The following MEF2A variants were observed in gnomAD, a reference collection of about 807,000 sequenced individuals.
MEF2A encodes the protein myocyte-specific enhancer factor 2A.
A neutral mutation model predicts 55.8 loss-of-function variants in MEF2A; 28 were observed. That is an observed-to-expected ratio of 0.50 (90% confidence interval 0.37 to 0.69). The LOEUF is 0.69. Ranked by LOEUF, MEF2A falls within the 30% of genes least tolerant of loss-of-function variation. The pLI is 0.00. For synonymous variants in MEF2A, 239 were observed against 227.1 expected, an observed-to-expected ratio of 1.05 and a Z score of -0.47; for missense variants, 528 against 626.2, an observed-to-expected ratio of 0.84 and a Z score of 1.67.
At chr15:99,566,526 C>G (rs12902009) in intron 1 of MEF2A, 113,963 of 148,108 alleles carry the variant, frequency 0.77, 44,426 homozygotes, top group Middle Eastern at 0.91. Flanking sequence ...GGCGCGCACC[C>G]CTTGGGGCCG....
At chr15:99,668,123 T>A (rs1365238695) in intron 4 of MEF2A, among the ~76,000 whole-genome samples, 1 of 152,156 alleles carries the variant, frequency 6.6e-6, no homozygotes, top group Non-Finnish European at 1.5e-5. Context: ...AGAAAAATGA[T>A]TGTTTCTAAC....
rs773502316 is a variant in MEF2A, at chr15:99,602,653, GGTGTGTGTGTGTGTGTGTGTGT to G, written c.-143+4167_-143+4188del. On this transcript the variant is annotated intron_variant, in intron 2 of 11. Coordinates refer to ENST00000557942, the MANE Select transcript of MEF2A (RefSeq NM_001319206.4). ...CCTGGTGGTTGCCTGACATTCCTGG[GGTGTGTGTGTGTGTGTGTGTGT>G]GTGTGTGTGTGTGTGTGTGTGTGTA... is the stretch of plus-strand genomic sequence containing the variant. Among the ~76,000 whole-genome samples the G allele has an allele frequency of 1.8e-4, 8 of 44,866 alleles. 1 individual carries two copies. Among genetic ancestry groups the G allele is most frequent in the East Asian group, 1.7e-3 (2 of 1,146 alleles). The allele number at this position is 44,866 out of a possible 152,430, so 29.4% of individuals were successfully genotyped here. A position where few individuals can be genotyped will look rare whatever the true frequency, so the allele number is the denominator to read the frequency against.
At chr15:99,710,180 G>T (rs919694833) in intron 10 of MEF2A, among the ~76,000 whole-genome samples, 1 of 152,202 alleles carries the variant, frequency 6.6e-6, no homozygotes, top group African/African-American at 2.4e-5. Flanking sequence ...AGATTTTGCG[G>T]ATTTTAGACC....
chr15:99,627,471 T>G (rs1158378314), intron 2 of MEF2A, among the ~76,000 whole-genome samples: 1 of 149,164 alleles, frequency 6.7e-6, no homozygotes, highest in Admixed American at 6.7e-5. Context: ...AATTGTAGAC[T>G]TGACTTAGTT....
intron 5 of MEF2A, 70 bp from the exon 6 acceptor site, chr15:99,674,323 A>G: frequency 7.1e-7 from 1 of 1,412,422 alleles, no homozygotes; most frequent in Non-Finnish European, 9.6e-7. Context: ...TTGCCAAATT[A>G]AAGTTCAAAA....
rs1054290497 is a variant in MEF2A at position 99,715,905 on chromosome 15, C to A, written c.*3134C>A. ...CCAATTATGTCCATTTTGTTATAGACTAAATCAGGGGTTTGTTCTACAAGA... is the reference window on the plus strand; with the variant it reads ...CCAATTATGTCCATTTTGTTATAGAATAAATCAGGGGTTTGTTCTACAAGA... On this transcript the variant is annotated 3_prime_UTR_variant, in exon 12 of 12. Coordinates refer to ENST00000557942, the MANE Select transcript of MEF2A (RefSeq NM_001319206.4). The A allele has an allele frequency of 2.0e-5, 3 of 152,408 alleles. No individual in the cohort carries two copies. Among genetic ancestry groups the A allele is most frequent in the African/African-American group, 7.2e-5 (3 of 41,418 alleles). The allele number at this position is 152,408 out of a possible 1,614,324, so 9.4% of individuals were successfully genotyped here.
In MEF2A at chr15:99,702,355, G is replaced by A. The variant is rs147242494; in HGVS notation, c.859-1007G>A. Among the ~76,000 whole-genome samples, 4 of 151,582 alleles carry A rather than the reference G, an allele frequency of 2.6e-5. No homozygotes were observed. The East Asian group carries it at 5.9e-4, about 22-fold the overall frequency. ...AGCTTAACTTACTCAAGTAAAACAA[G>A]TAAAAACTGATTAGACTGTTTCTAG... On this transcript the variant is annotated intron_variant, in intron 8 of 11. Coordinates refer to ENST00000557942, the MANE Select transcript of MEF2A (RefSeq NM_001319206.4).
chr15:99,656,900 AATTCTAGAAC>A (rs2047822480), intron 4 of MEF2A, among the ~76,000 whole-genome samples: 1 of 152,086 alleles, frequency 6.6e-6, no homozygotes, highest in African/African-American at 2.4e-5. Context: ...AACGCTATCT[AATTCTAGAAC>A]ATTTTCATCA....
intron 2 of MEF2A, among the ~76,000 whole-genome samples, chr15:99,617,069 C>T (rs893631915): frequency 6.6e-6 from 1 of 152,146 alleles, no homozygotes; most frequent in Non-Finnish European, 1.5e-5. Context: ...GTGTATCTTA[C>T]GAGAATTGCT....
chr15:99,690,342 G>C lies in MEF2A; in HGVS notation c.772G>C (p.Gly258Arg). 32 of 1,613,588 alleles carry C rather than the reference G, an allele frequency of 2.0e-5. No homozygotes were observed. The highest frequency in any genetic ancestry group is 2.6e-5 in the Non-Finnish European group (31 of 1,179,772). ...VMPTKSPPPPGGGNLGMNSRK... is the reference protein window; with the variant it reads ...VMPTKSPPPPRGGNLGMNSRK... Reference sequence around the variant, plus strand: ...GCCTACAAAGTCTCCCCCTCCACCAGGTGGTGGTAATCTTGGAATGAACAG... The same window carrying C: ...GCCTACAAAGTCTCCCCCTCCACCACGTGGTGGTAATCTTGGAATGAACAG... The change falls in exon 8 of 12, where the codon GGT becomes CGT. Residue 258 changes from glycine to arginine, a missense_variant. This residue lies in a region of MEF2A where 450 missense variants were observed against 475.3 expected (regional missense o/e 0.95). Transcript: ENST00000557942.
chr15:99,704,246 T>C (rs528064666), intron 9 of MEF2A, among the ~76,000 whole-genome samples: 1 of 152,336 alleles, frequency 6.6e-6, no homozygotes, highest in Admixed American at 6.5e-5. Flanking sequence ...CTGGTGTGTT[T>C]TGCACAGTTT....
chr15:99,684,565 T>C (rs546502274), intron 7 of MEF2A, among the ~76,000 whole-genome samples: 16 of 152,346 alleles, frequency 1.1e-4, no homozygotes, highest in East Asian at 5.8e-4. Flanking sequence ...GGATTGTTTT[T>C]TTCTTGCTGA....
chr15:99,626,278 G>A (rs917073734), intron 2 of MEF2A, among the ~76,000 whole-genome samples: 1 of 152,002 alleles, frequency 6.6e-6, no homozygotes, highest in Non-Finnish European at 1.5e-5. Flanking sequence ...CCCTCTTACA[G>A]TCTCATTTAT....
intron 7 of MEF2A, among the ~76,000 whole-genome samples, chr15:99,688,182 G>A (rs1485332775): frequency 6.6e-6 from 1 of 152,240 alleles, no homozygotes; most frequent in African/African-American, 2.4e-5. Context: ...CTGTACACTG[G>A]TTACTTATCT....
intron 1 of MEF2A, among the ~76,000 whole-genome samples, chr15:99,573,260 G>A (rs1963100603): frequency 7.4e-6 from 1 of 135,722 alleles, no homozygotes; most frequent in Admixed American, 8.5e-5. Flanking sequence ...CTGCACTCCA[G>A]CCTGGGCAAC....
At chr15:99,644,390 A>G (rs2045585490) in intron 3 of MEF2A, among the ~76,000 whole-genome samples, 1 of 152,246 alleles carries the variant, frequency 6.6e-6, no homozygotes, top group Non-Finnish European at 1.5e-5. Context: ...GTACATGTGA[A>G]ATGAATTTTG....
At chr15:99,683,655 C>T (rs575880981) in intron 7 of MEF2A, among the ~76,000 whole-genome samples, 11 of 150,492 alleles carry the variant, frequency 7.3e-5, no homozygotes, top group Non-Finnish European at 8.8e-5. Context: ...CTACCCATCT[C>T]GGCCTCCCAA....
intron 2 of MEF2A, among the ~76,000 whole-genome samples, chr15:99,612,021 G>A (rs2039346136): frequency 6.6e-6 from 1 of 152,108 alleles, no homozygotes. Flanking sequence ...GAAGGAGTGG[G>A]GAATGCCTGC....
chr15:99,601,339 A>G (rs150023241), intron 2 of MEF2A, among the ~76,000 whole-genome samples: 3 of 151,058 alleles, frequency 2.0e-5, no homozygotes, highest in African/African-American at 4.9e-5. Context: ...AATAAAGACT[A>G]TCTTATTTCC....
Sources: gnomAD v4.1 joint callset for allele counts (sites outside exome capture counted in the v4.1 genomes callset) on GRCh38, gnomAD v4.1.1 for gene constraint, gnomAD v4.1.1 regional missense constraint, MANE v1.5 for transcripts, NCBI Gene and HGNC (gene_info 2026-07-23, HGNC 2026-07-21) for gene names.